The following CCDC178 variants were observed in gnomAD, a reference collection of about 807,000 sequenced individuals.
CCDC178 encodes coiled-coil domain containing 178.
Under a neutral mutation model 117.4 loss-of-function variants are expected in CCDC178, and 126 were observed. The observed-to-expected ratio is 1.07, with a 90% CI of 0.93 to 1.24. The LOEUF is 1.24. Among genes scored for constraint, CCDC178 ranks in the 50% most tolerant of loss-of-function variants. The pLI, the probability that CCDC178 is intolerant of heterozygous loss-of-function variation, is 0.00. For missense variants in CCDC178, 1,030 were observed against 986.9 expected, an observed-to-expected ratio of 1.04 and a Z score of -0.59; for synonymous variants, 283 against 313.4, an observed-to-expected ratio of 0.90 and a Z score of 1.02.
intron 21 of CCDC178, among the ~76,000 whole-genome samples, chr18:33,005,747 C>T (rs1457958232): frequency 6.6e-6 from 1 of 151,908 alleles, no homozygotes; most frequent in Non-Finnish European, 1.5e-5. Context: ...ACTATGCACA[C>T]ACAAAAATTA....
At chr18:33,115,662 C>A (rs1009292378) in intron 20 of CCDC178, among the ~76,000 whole-genome samples, 7 of 151,894 alleles carry the variant, frequency 4.6e-5, no homozygotes, top group African/African-American at 1.4e-4. Context: ...TACTTCACCT[C>A]CCCCGCCGCC....
intron 14 of CCDC178, among the ~76,000 whole-genome samples, 161 bp downstream of exon 14, chr18:33,266,755 C>T (rs1314784012): frequency 1.3e-5 from 2 of 151,606 alleles, no homozygotes; most frequent in Non-Finnish European, 2.9e-5. Flanking sequence ...TCAAAGGGAA[C>T]CCAGAGTGAC....
At chr18:33,287,539 G>A (rs1164573406) in intron 12 of CCDC178, among the ~76,000 whole-genome samples, 1 of 152,182 alleles carries the variant, frequency 6.6e-6, no homozygotes, top group Non-Finnish European at 1.5e-5. Flanking sequence ...AGCACTTTGG[G>A]AGGTCGAGGT....
chr18:33,000,863 G>A (rs1298696016), intron 21 of CCDC178, among the ~76,000 whole-genome samples: 1 of 152,124 alleles, frequency 6.6e-6, no homozygotes, highest in Non-Finnish European at 1.5e-5. Flanking sequence ...TAAGCAATAA[G>A]AAAACATCTG....
chr18:33,423,161 C>T lies in CCDC178; in HGVS notation c.-22-11051G>A, dbSNP rs563604694. Among the ~76,000 whole-genome samples, 67 of 151,862 alleles carry T rather than the reference C, an allele frequency of 4.4e-4. 1 individual carries two copies. Among genetic ancestry groups the T allele is most frequent in the African/African-American group, 5.8e-4 (24 of 41,332 alleles). ...AAAAATAACGTTGTACCCTATAACC[C>T]GGCCTAAAAAAATAGTTAATAATAC... On this transcript the variant is annotated intron_variant, in intron 2 of 22. Transcript: ENST00000383096.
chr18:32,975,606 A>G (rs2055014099), intron 21 of CCDC178, among the ~76,000 whole-genome samples: 1 of 152,094 alleles, frequency 6.6e-6, no homozygotes, highest in Non-Finnish European at 1.5e-5. Context: ...TGCTTATATT[A>G]TATATTTATA....
At chr18:33,381,958 A>T (rs2063443666) in intron 5 of CCDC178, among the ~76,000 whole-genome samples, 1 of 152,088 alleles carries the variant, frequency 6.6e-6, no homozygotes, top group African/African-American at 2.4e-5. Context: ...TAGCACATAG[A>T]TATTCCAGTA....
At chr18:33,320,330 A>G (rs1238516896) in intron 11 of CCDC178, among the ~76,000 whole-genome samples, 2 of 152,220 alleles carry the variant, frequency 1.3e-5, no homozygotes, top group East Asian at 1.9e-4. Context: ...ACATGATTGT[A>G]TATTTAGAAA....
At chr18:32,961,724 T>C (rs1215428129) in intron 22 of CCDC178, among the ~76,000 whole-genome samples, 1 of 152,090 alleles carries the variant, frequency 6.6e-6, no homozygotes, top group African/African-American at 2.4e-5. Context: ...TATGATAATC[T>C]AATGCTGCCA....
intron 20 of CCDC178, among the ~76,000 whole-genome samples, chr18:33,194,553 C>T (rs939775122): frequency 2.0e-5 from 3 of 152,138 alleles, no homozygotes; most frequent in South Asian, 2.1e-4. Context: ...TCGCTTTTTC[C>T]CCCATCCAAT....
chr18:33,406,377 A>C (rs1194582368), intron 3 of CCDC178, among the ~76,000 whole-genome samples: 3 of 152,090 alleles, frequency 2.0e-5, no homozygotes, highest in African/African-American at 7.2e-5. Context: ...ATATCTGACA[A>C]CATAGAATTC....
chr18:33,066,748 C>A (rs767952229), intron 21 of CCDC178, among the ~76,000 whole-genome samples: 7 of 152,090 alleles, frequency 4.6e-5, no homozygotes, highest in African/African-American at 1.7e-4. Context: ...ACTGTAGAAA[C>A]GGACAAAGAA....
intron 6 of CCDC178, 134 bp downstream of exon 6, chr18:33,369,916 C>T (rs2144756930): frequency 1.4e-6 from 1 of 716,946 alleles, no homozygotes. Flanking sequence ...AATGATGCAA[C>T]TGAGCAAAGA....
intron 20 of CCDC178, among the ~76,000 whole-genome samples, chr18:33,135,350 A>T (rs1184174859): frequency 6.6e-6 from 1 of 152,148 alleles, no homozygotes; most frequent in East Asian, 1.9e-4. Flanking sequence ...GGCACACAAA[A>T]AAATAATGTA....
At chr18:33,344,848 CACACACATAT>C (rs1300732672) in intron 9 of CCDC178, among the ~76,000 whole-genome samples, 3 of 133,130 alleles carry the variant, frequency 2.3e-5, no homozygotes, top group South Asian at 2.5e-4. Flanking sequence ...CACACACACA[CACACACATAT>C]ATTTATAAAT....
chr18:33,178,415 G>C (rs2058689361), intron 20 of CCDC178, among the ~76,000 whole-genome samples: 1 of 152,076 alleles, frequency 6.6e-6, no homozygotes, highest in African/African-American at 2.4e-5. Context: ...ATTACCGTAA[G>C]AATCTCCCAT....
At chr18:33,345,416 G>A (rs550869816) in intron 9 of CCDC178, among the ~76,000 whole-genome samples, 6 of 152,118 alleles carry the variant, frequency 3.9e-5, no homozygotes, top group African/African-American at 1.2e-4. Context: ...TTTACCTTTC[G>A]TTAAAGGTAA....
intron 20 of CCDC178, among the ~76,000 whole-genome samples, chr18:33,101,546 C>T (rs903843174): frequency 7.9e-5 from 12 of 151,860 alleles, no homozygotes; most frequent in South Asian, 2.1e-4. Flanking sequence ...CACTGCACAT[C>T]GAGTGGGTGA....
chr18:33,199,421 G>A (rs536861364), intron 20 of CCDC178, among the ~76,000 whole-genome samples: 1 of 152,094 alleles, frequency 6.6e-6, no homozygotes, highest in East Asian at 1.9e-4. Flanking sequence ...TCTATCTCTT[G>A]TTCCACCTAT....
Sources: allele counts gnomAD v4.1 joint callset (sites outside exome capture counted in the v4.1 genomes callset), GRCh38; gene constraint gnomAD v4.1.1; transcripts MANE v1.5; gene names NCBI Gene and HGNC (gene_info 2026-07-23, HGNC 2026-07-21).